PSMB7: variants seen among roughly 807,000 people sequenced by gnomAD.
PSMB7 encodes proteasome subunit beta type-7.
PSMB7 carries 5 observed loss-of-function variants against 28.1 expected under a neutral mutation model. The ratio of observed to expected loss-of-function variants is 0.18; its 90% CI spans 0.09 to 0.37. PSMB7 has a LOEUF of 0.37. PSMB7 is among the 10% of genes least tolerant of loss of function. The pLI is 1.00. For missense variants in PSMB7, 275 were observed against 346.2 expected (o/e 0.79, Z 1.63); for synonymous variants, 122 against 123.7 (o/e 0.99, Z 0.09).
chr9:124,358,624 A>G (rs967818117), intron 6 of PSMB7, among the ~76,000 whole-genome samples: 1 of 152,230 alleles, frequency 6.6e-6, no homozygotes, highest in African/African-American at 2.4e-5. Flanking sequence ...GCAAAAACCA[A>G]CCACTAATTC....
Position 124,414,899 on chromosome 9 carries a change from T to A in PSMB7, c.99A>T (p.Gly33=), listed in dbSNP as rs1380947197. ...AVLEADFAKR[G]YKLPKVRKTG... The stretch of plus-strand genomic sequence containing the variant: ...TTTTCCGGACCTTTGGAAGCTTGTA[T>A]CCCCTCTTTGCAAAATCGGCTTCCA... Residue 33 remains glycine (G), a synonymous_variant, in exon 2 of 8, where the codon GGA becomes GGT. Transcript: ENST00000259457. 1 of 1,613,230 alleles carries A rather than the reference T, an allele frequency of 6.2e-7. No homozygotes were observed. Among genetic ancestry groups the A allele is most frequent in the East Asian group, 2.2e-5 (1 of 44,856 alleles).
chr9:124,357,957 A>T (rs1234897051), intron 6 of PSMB7, among the ~76,000 whole-genome samples: 1 of 152,238 alleles, frequency 6.6e-6, no homozygotes, highest in Non-Finnish European at 1.5e-5. Context: ...GGCAGGCAGC[A>T]ACGGCAGTGG....
chr9:124,410,387 C>G (rs1041152013), intron 4 of PSMB7, among the ~76,000 whole-genome samples: 1 of 152,118 alleles, frequency 6.6e-6, no homozygotes, highest in African/African-American at 2.4e-5. Context: ...TACAAAGAAT[C>G]TTGAAACATC....
chr9:124,398,510 G>GT, intron 5 of PSMB7: 1 of 326,954 alleles, frequency 3.1e-6, no homozygotes, highest in Non-Finnish European at 6.2e-6. Context: ...AAATCACGTT[G>GT]TTTTTGGGTA....
At chr9:124,383,097 T>C (rs999654924) in intron 6 of PSMB7, among the ~76,000 whole-genome samples, 2 of 152,230 alleles carry the variant, frequency 1.3e-5, no homozygotes, top group Admixed American at 6.5e-5. Context: ...TCCTCTCCTA[T>C]AGTTAGAAAA....
chr9:124,408,177 G>A (rs889132030), intron 4 of PSMB7, among the ~76,000 whole-genome samples: 3 of 152,118 alleles, frequency 2.0e-5, no homozygotes, highest in Non-Finnish European at 2.9e-5. Flanking sequence ...AACAGAAAGA[G>A]ACCCTATCTA....
At chr9:124,395,086 A>G (rs1416122818) in intron 5 of PSMB7, among the ~76,000 whole-genome samples, 1 of 152,218 alleles carries the variant, frequency 6.6e-6, no homozygotes, top group Non-Finnish European at 1.5e-5. Flanking sequence ...GCTACATACA[A>G]AAGACTTTTA....
intron 1 of PSMB7, 92 bp downstream of exon 1, chr9:124,415,272 C>T: frequency 7.5e-7 from 1 of 1,339,502 alleles, no homozygotes; most frequent in Non-Finnish European, 1.1e-6. Flanking sequence ...TGAATTCTTC[C>T]CTCAGAATTC....
At chr9:124,367,058 G>A (rs1369715809) in intron 6 of PSMB7, among the ~76,000 whole-genome samples, 2 of 152,342 alleles carry the variant, frequency 1.3e-5, no homozygotes, top group Middle Eastern at 6.8e-3. Context: ...GGGAAGCCGT[G>A]GGGGAGGAAA....
intron 4 of PSMB7, among the ~76,000 whole-genome samples, chr9:124,408,422 T>C (rs1322242496): frequency 6.6e-6 from 1 of 152,164 alleles, no homozygotes; most frequent in Non-Finnish European, 1.5e-5. Context: ...TACCTTAAAA[T>C]GGGCAATATC....
intron 7 of PSMB7, among the ~76,000 whole-genome samples, chr9:124,354,884 A>G (rs1380591206): frequency 6.6e-6 from 1 of 151,950 alleles, no homozygotes; most frequent in Non-Finnish European, 1.5e-5. Flanking sequence ...CCTCCTCACC[A>G]CTGTGGTGAC....
At chr9:124,402,610 T>A (rs1830923092) in intron 5 of PSMB7, among the ~76,000 whole-genome samples, 1 of 152,140 alleles carries the variant, frequency 6.6e-6, no homozygotes, top group Non-Finnish European at 1.5e-5. Context: ...AACACATGTG[T>A]CAAAATGCTA....
At chr9:124,367,199 G>C (rs1830516894) in intron 6 of PSMB7, among the ~76,000 whole-genome samples, 2 of 152,330 alleles carry the variant, frequency 1.3e-5, no homozygotes, top group African/African-American at 2.4e-5. Flanking sequence ...GCAGCCAGGT[G>C]AAAGTGCAGG....
chr9:124,395,325 A>G (rs1158365318), intron 5 of PSMB7, among the ~76,000 whole-genome samples: 3 of 151,964 alleles, frequency 2.0e-5, no homozygotes, highest in Non-Finnish European at 4.4e-5. Flanking sequence ...TCTCTACCAA[A>G]AAAAGAAAGA....
At chr9:124,387,143 G>A (rs759721667) in intron 5 of PSMB7, among the ~76,000 whole-genome samples, 3 of 152,150 alleles carry the variant, frequency 2.0e-5, no homozygotes, top group Non-Finnish European at 4.4e-5. Context: ...CTACGCAGGA[G>A]GCTGAGGCAG....
chr9:124,397,339 A>G (rs2131171536), intron 5 of PSMB7, among the ~76,000 whole-genome samples: 1 of 152,362 alleles, frequency 6.6e-6, no homozygotes, highest in Non-Finnish European at 1.5e-5. Context: ...GAAACTGTCC[A>G]GGGGCCACAC....
chr9:124,381,076 T>C (rs945182302), intron 6 of PSMB7, among the ~76,000 whole-genome samples: 30 of 152,252 alleles, frequency 2.0e-4, no homozygotes, highest in Non-Finnish European at 5.9e-5. Context: ...CTCTGAAACC[T>C]GGTGTGCGTT....
At chr9:124,381,136 G>A (rs993634938) in intron 6 of PSMB7, among the ~76,000 whole-genome samples, 4 of 152,122 alleles carry the variant, frequency 2.6e-5, no homozygotes, top group African/African-American at 4.8e-5. Context: ...CGATAACCAC[G>A]TAAGGTTAGC....
Position 124,402,949 on chromosome 9 carries a change from T to C in PSMB7, c.511+2368A>G, listed in dbSNP as rs114692927. 4.0e-3 allele frequency among the ~76,000 whole-genome samples: 613 copies of C among 152,304 alleles called. 4 individuals are homozygous for C. The highest frequency in any genetic ancestry group is 0.024 in the Middle Eastern group (7 of 294). On this transcript the variant is annotated intron_variant, in intron 5 of 7. Coordinates refer to ENST00000259457, the MANE Select transcript of PSMB7 (RefSeq NM_002799.4). Reference sequence around the variant, plus strand: ...CCCAACAAACAGTGAACATCTGTTATATAAAAACCTTGTAAGAGGCTAGAT... The same window carrying C: ...CCCAACAAACAGTGAACATCTGTTACATAAAAACCTTGTAAGAGGCTAGAT...
Sources: allele counts gnomAD v4.1 joint callset (sites outside exome capture counted in the v4.1 genomes callset), GRCh38; gene constraint gnomAD v4.1.1; transcripts MANE v1.5; gene names NCBI Gene and HGNC (gene_info 2026-07-23, HGNC 2026-07-21).